The following ISCU variants were observed in gnomAD, a reference collection of about 807,000 sequenced individuals.
The protein encoded by ISCU is iron-sulfur cluster assembly enzyme ISCU.
ISCU carries 13 observed loss-of-function variants against 18.4 expected under a neutral mutation model. The ratio of observed to expected loss-of-function variants is 0.71; its 90% CI spans 0.46 to 1.12. The LOEUF (loss-of-function observed/expected upper bound fraction) is 1.12, where lower values mean the gene tolerates loss of function less well. Among genes scored for constraint, ISCU ranks in the 50% most tolerant of loss-of-function variants. ISCU has a pLI of 0.00. For missense variants in ISCU, 229 were observed against 208.7 expected, an observed-to-expected ratio of 1.10 and a Z score of -0.60; for synonymous variants, 104 against 87.5, an observed-to-expected ratio of 1.19 and a Z score of -1.06.
At chr12:108,562,861 C>G (rs1041514891) in intron 1 of ISCU, 125 bp downstream of exon 1, 4 of 470,464 alleles carry the variant, frequency 8.5e-6, no homozygotes, top group African/African-American at 8.1e-5. Flanking sequence ...CCCTGACTCG[C>G]TTTCCCTTGC....
intron 4 of ISCU, chr12:108,568,623 T>C: frequency 4.9e-6 from 7 of 1,425,316 alleles, no homozygotes; most frequent in Non-Finnish European, 5.5e-6. Flanking sequence ...TTTTTAACCC[T>C]AGTCTGTCTC....
upstream of ISCU, among the ~76,000 whole-genome samples, chr12:108,562,007 T>C (rs1295208031): frequency 6.6e-6 from 1 of 152,226 alleles, no homozygotes; most frequent in Non-Finnish European, 1.5e-5. Context: ...TCCCCGGGTC[T>C]AGTAGAGCGC....
chr12:108,568,587 C>T, intron 4 of ISCU: 5 of 1,387,072 alleles, frequency 3.6e-6, no homozygotes, highest in South Asian at 1.5e-5. Flanking sequence ...GTCAAAGAGG[C>T]TAAGGAACTA....
intron 4 of ISCU, chr12:108,568,009 T>G: frequency 6.5e-7 from 1 of 1,530,098 alleles, no homozygotes. Flanking sequence ...GTCAGGCCTC[T>G]TGCCAAGGTA....
chr12:108,562,694 C>A lies in ISCU; in HGVS notation c.72C>A (p.Pro24=). The change falls in exon 1 of 5, where the codon CCC becomes CCA. Residue 24 remains proline, a synonymous_variant. Coordinates refer to ENST00000311893, the MANE Select transcript of ISCU (RefSeq NM_213595.4). ...SALLLRSPRL[P]ARELSAPARL... is the part of the protein sequence containing the mutation. ...TGCTGCTGCGGAGCCCCCGCCTGCC[C>A]GCCCGGGAGCTGTCGGCCCCGGCCC... 6.7e-7 allele frequency: 1 copy of A among 1,484,512 alleles called. No homozygotes were observed. The allele number at this position is 1,484,512 out of a possible 1,614,324, so 92.0% of individuals were successfully genotyped here. A position where few individuals can be genotyped will look rare whatever the true frequency, so the allele number is the denominator to read the frequency against.
intron 1 of ISCU, chr12:108,563,020 T>C: frequency 3.7e-6 from 1 of 270,482 alleles, no homozygotes; most frequent in Non-Finnish European, 6.9e-6. Context: ...TTGGGACTTG[T>C]CTTTCTGAGT....
At chr12:108,567,698 G>A (rs759715873) in intron 4 of ISCU, 31 of 1,535,934 alleles carry the variant, frequency 2.0e-5, no homozygotes, top group Admixed American at 3.9e-5. Flanking sequence ...CTCAGCTTTC[G>A]CCATAATCCT....
intron 1 of ISCU, 183 bp downstream of exon 1, chr12:108,562,919 C>A: frequency 2.5e-6 from 1 of 400,290 alleles, no homozygotes; most frequent in Non-Finnish European, 4.4e-6. Context: ...TACCGCTCAT[C>A]GGGCGGCGAC....
At position 108,567,564 on chromosome 12, in the gene ISCU, A is replaced by G. The variant is rs1436820617; in HGVS notation, c.418+296A>G. On this transcript the variant is annotated intron_variant, in intron 4 of 4. Coordinates refer to ENST00000311893, the MANE Select transcript of ISCU (RefSeq NM_213595.4). ...CAGTAGATGTCATTACTTCCCTCTT[A>G]TGGATGAGGAAGCTAAGGCTTGGGT... The G allele has an allele frequency of 3.0e-6, 3 of 1,003,314 alleles. No individual in the cohort carries two copies. In the East Asian group the frequency reaches 7.8e-5, roughly 26 times the overall value. The allele number at this position is 1,003,314 out of a possible 1,614,324, so 62.2% of individuals were successfully genotyped here. A position where few individuals can be genotyped will look rare whatever the true frequency, so the allele number is the denominator to read the frequency against.
chr12:108,565,320 G>T lies in ISCU; in HGVS notation c.229-1G>T. 6.2e-7 allele frequency: 1 copy of T among 1,612,020 alleles called. No homozygotes were observed. Among genetic ancestry groups the T allele is most frequent in the African/African-American group, 1.3e-5 (1 of 74,986 alleles). ...CCACTTAACTCTTGTCTCTTTTCTA[G>T]ATTCAAGTGGATGAAAAGGGGAAGA... On this transcript the variant is annotated splice_acceptor_variant, in intron 2 of 4. Coordinates refer to ENST00000311893, the MANE Select transcript of ISCU (RefSeq NM_213595.4). LOFTEE classifies it high-confidence loss of function.
Position 108,569,086 on chromosome 12 carries a change from T to C in ISCU, c.*170T>C. The C allele has an allele frequency of 1.5e-6, 1 of 650,098 alleles. No homozygotes were observed. Among genetic ancestry groups the C allele is most frequent in the Non-Finnish European group, 2.7e-6 (1 of 365,884 alleles). 40.3% of individuals were successfully genotyped at this position (650,098 alleles called of 1,614,324 possible). Reference sequence around the variant, plus strand: ...ATGCAAGCAAAATACACAGTTTCATTGTTCTGAATCCTGTGGTTTCTTTCA... The same window carrying C: ...ATGCAAGCAAAATACACAGTTTCATCGTTCTGAATCCTGTGGTTTCTTTCA... On this transcript the variant is annotated 3_prime_UTR_variant, in exon 5 of 5. Coordinates refer to ENST00000311893, the MANE Select transcript of ISCU (RefSeq NM_213595.4).
At chr12:108,565,227 A>T (rs979605711) in intron 2 of ISCU, 94 bp from the exon 3 acceptor site, 6 of 881,212 alleles carry the variant, frequency 6.8e-6, no homozygotes, top group Middle Eastern at 2.2e-4. Flanking sequence ...AGCAAGCCCA[A>T]AGCCCTTGGG....
At position 108,567,565 on chromosome 12, in the gene ISCU, T is replaced by C. The variant is rs906599303; in HGVS notation, c.418+297T>C. Reference sequence around the variant, plus strand: ...AGTAGATGTCATTACTTCCCTCTTATGGATGAGGAAGCTAAGGCTTGGGTT... The same window carrying C: ...AGTAGATGTCATTACTTCCCTCTTACGGATGAGGAAGCTAAGGCTTGGGTT... On this transcript the variant is annotated intron_variant, in intron 4 of 4. Coordinates refer to ENST00000311893, the MANE Select transcript of ISCU (RefSeq NM_213595.4). 22 of 1,014,668 alleles carry C rather than the reference T, an allele frequency of 2.2e-5. No homozygotes were observed. The Admixed American group carries it at 3.0e-4, about 14-fold the overall frequency. The allele number at this position is 1,014,668 out of a possible 1,614,324, so 62.9% of individuals were successfully genotyped here.
rs780992137 is a variant in ISCU at position 108,562,648 on chromosome 12, T to C, written c.26T>C (p.Leu9Pro). 1.2e-5 allele frequency: 18 copies of C among 1,463,230 alleles called. No homozygotes were observed. The highest frequency in any genetic ancestry group is 1.5e-5 in the African/African-American group (1 of 68,230). 90.6% of individuals were successfully genotyped at this position (1,463,230 alleles called of 1,614,324 possible). A position where few individuals can be genotyped will look rare whatever the true frequency, so the allele number is the denominator to read the frequency against. MAAAGAFR[L>P]RRAASALLLR... is the part of the protein sequence containing the mutation. ...ATGGCGGCGGCTGGGGCTTTCCGTCTGAGGCGGGCGGCATCGGCTCTGCTG... is the reference window on the plus strand; with the variant it reads ...ATGGCGGCGGCTGGGGCTTTCCGTCCGAGGCGGGCGGCATCGGCTCTGCTG... The change falls in exon 1 of 5, where the codon CTG (leucine) becomes CCG (proline). Residue 9 changes from leucine to proline, a missense_variant. Coordinates refer to ENST00000311893, the MANE Select transcript of ISCU (RefSeq NM_213595.4).
chr12:108,564,203 C>A, intron 1 of ISCU, 76 bp from the exon 2 acceptor site: 1 of 1,560,248 alleles, frequency 6.4e-7, no homozygotes, highest in Non-Finnish European at 8.8e-7. Context: ...AGATGCTGAC[C>A]GAGGAGCTTA....
chr12:108,567,677 A>C, intron 4 of ISCU: 1 of 1,536,030 alleles, frequency 6.5e-7, no homozygotes. Context: ...TGTTTCCAGC[A>C]GAGGAGAAAA....
chr12:108,566,069 C>A (rs896417556), intron 3 of ISCU, among the ~76,000 whole-genome samples: 2 of 152,262 alleles, frequency 1.3e-5, no homozygotes, highest in African/African-American at 4.8e-5. Context: ...AATCCAGTTG[C>A]TGTCAAAACC....
At position 108,564,279 on chromosome 12, in the gene ISCU, G is replaced by A; in HGVS notation, c.115G>A (p.Val39Ile). 1 of 1,611,202 alleles carries A rather than the reference G, an allele frequency of 6.2e-7. No individual in the cohort carries two copies. The highest frequency in any genetic ancestry group is 8.5e-7 in the Non-Finnish European group (1 of 1,177,314). ...ATTTATCTTAACCCTCTCATTTTAGGTTGTTGATCATTATGAAAATCCTAG... is the reference window on the plus strand; with the variant it reads ...ATTTATCTTAACCCTCTCATTTTAGATTGTTGATCATTATGAAAATCCTAG... ...SAPARLYHKK[V>I]VDHYENPRNV... is the part of the protein sequence containing the mutation. Residue 39 changes from valine (V) to isoleucine (I), a missense_variant and splice_region_variant, in exon 2 of 5, where the codon GTT (valine) becomes ATT (isoleucine). Coordinates refer to ENST00000311893, the MANE Select transcript of ISCU (RefSeq NM_213595.4).
rs201571760 is a variant in ISCU at position 108,564,076 on chromosome 12, A to C, written c.115-203A>C. On this transcript the variant is annotated intron_variant, in intron 1 of 4. Transcript: ENST00000311893. The stretch of plus-strand genomic sequence containing the variant: ...TTCTTCTAGGTATCTCAAATCTGTG[A>C]AGTATTGTAGAGGAGACACAAAAGG... 3 of 1,608,286 alleles carry C rather than the reference A, an allele frequency of 1.9e-6. No homozygotes were observed. In the African/African-American group the frequency reaches 4.0e-5, roughly 21 times the overall value.
Sources: allele counts gnomAD v4.1 joint callset (sites outside exome capture counted in the v4.1 genomes callset), GRCh38; gene constraint gnomAD v4.1.1; transcripts MANE v1.5; gene names NCBI Gene and HGNC (gene_info 2026-07-23, HGNC 2026-07-21).